Variants in GALNT18 observed in about 807,000 individuals in gnomAD.
GALNT18 encodes polypeptide N-acetylgalactosaminyltransferase 18, also known as GalNAc-transferase 18.
Under a neutral mutation model 69.5 loss-of-function variants are expected in GALNT18, and 44 were observed. That is an observed-to-expected ratio of 0.63 (90% CI 0.50 to 0.81). The LOEUF (loss-of-function observed/expected upper bound fraction) is 0.81. Ranked by LOEUF, GALNT18 falls within the 40% of genes least tolerant of loss-of-function variation. The pLI is 0.00. For missense variants in GALNT18, 715 were observed against 810.0 expected, an observed-to-expected ratio of 0.88 and a Z score of 1.42; for synonymous variants, 364 against 318.2, an observed-to-expected ratio of 1.14 and a Z score of -1.53.
chr11:11,422,583 A>G (rs1855034618), intron 3 of GALNT18, among the ~76,000 whole-genome samples: 3 of 151,454 alleles, frequency 2.0e-5, no homozygotes, highest in Admixed American at 2.0e-4. Context: ...ATAAAGCACA[A>G]TACTGTTGGA....
intron 10 of GALNT18, among the ~76,000 whole-genome samples, chr11:11,288,223 ACT>A (rs1471568540): frequency 1.3e-5 from 2 of 152,062 alleles, no homozygotes; most frequent in Non-Finnish European, 2.9e-5. Flanking sequence ...GCTCTACATG[ACT>A]CTAAGTCTTA....
chr11:11,358,232 T>G (rs1850570859), intron 6 of GALNT18, among the ~76,000 whole-genome samples: 1 of 140,926 alleles, frequency 7.1e-6, no homozygotes, highest in African/African-American at 2.6e-5. Flanking sequence ...GGTATTATAT[T>G]TCTCTCTATC....
chr11:11,581,223 G>A (rs1312944937), intron 1 of GALNT18, among the ~76,000 whole-genome samples: 1 of 152,200 alleles, frequency 6.6e-6, no homozygotes, highest in Non-Finnish European at 1.5e-5. Flanking sequence ...TGTCCATGCT[G>A]GTGTTGATGA....
At chr11:11,503,770 T>G (rs763979504) in intron 1 of GALNT18, among the ~76,000 whole-genome samples, 32 of 152,184 alleles carry the variant, frequency 2.1e-4, no homozygotes, top group Non-Finnish European at 4.6e-4. Flanking sequence ...TTTTTTCCCC[T>G]TTTTGTTGAC....
intron 10 of GALNT18, among the ~76,000 whole-genome samples, chr11:11,276,565 C>T (rs1360931050): frequency 6.6e-6 from 1 of 152,140 alleles, no homozygotes; most frequent in Non-Finnish European, 1.5e-5. Context: ...ACTTCCCATA[C>T]TATGTTGAAT....
At chr11:11,539,536 G>A (rs1021023746) in intron 1 of GALNT18, among the ~76,000 whole-genome samples, 3 of 152,206 alleles carry the variant, frequency 2.0e-5, no homozygotes, top group Non-Finnish European at 4.4e-5. Context: ...CCCAGGAGGA[G>A]ATTCACCCCT....
Position 11,439,438 on chromosome 11 carries a change from C to T in GALNT18, c.429-6651G>A, listed in dbSNP as rs866691737. ...TTTGGTTCCTTGCTCCCTGAGAACA[C>T]GTACATAACCCAGTAGAGAAAGACC... On this transcript the variant is annotated intron_variant, in intron 2 of 10. Transcript: ENST00000227756. The surrounding 1 kb of genome is among the most constrained non-coding windows in gnomAD (Gnocchi z 4.4). Among the ~76,000 whole-genome samples the T allele has an allele frequency of 4.3e-4, 65 of 152,320 alleles. 1 individual carries two copies. The highest frequency in any genetic ancestry group is 1.4e-3 in the African/African-American group (60 of 41,564).
chr11:11,529,247 G>C (rs1857587022), intron 1 of GALNT18, among the ~76,000 whole-genome samples: 1 of 152,156 alleles, frequency 6.6e-6, no homozygotes, highest in Non-Finnish European at 1.5e-5. Flanking sequence ...TATGCTTGAG[G>C]GTGTTTTTGT....
At chr11:11,289,184 G>A (rs1172102481) in intron 10 of GALNT18, among the ~76,000 whole-genome samples, 3 of 152,242 alleles carry the variant, frequency 2.0e-5, no homozygotes, top group Admixed American at 1.3e-4. Context: ...GGCTCGAGGA[G>A]AGATTCCAGG....
At chr11:11,531,635 G>A (rs1364920159) in intron 1 of GALNT18, among the ~76,000 whole-genome samples, 1 of 152,118 alleles carries the variant, frequency 6.6e-6, no homozygotes, top group South Asian at 2.1e-4. Context: ...TTGGGCCCAC[G>A]TCTCCACAGG....
rs1426876406 is a variant in GALNT18 at position 11,546,923 on chromosome 11, G to A, written c.235+74436C>T. ...ATAGATGGGTAGGTGGATGGATATG[G>A]AATCTTCTTTTTTTTTTTTTAACTC... On this transcript the variant is annotated intron_variant, in intron 1 of 10. Transcript: ENST00000227756. This position sits in a 1 kb window ranked among gnomAD's most constrained non-coding sequence, Gnocchi z 5.8. Among the ~76,000 whole-genome samples, 1 of 151,846 alleles carries A rather than the reference G, an allele frequency of 6.6e-6. No individual in the cohort carries two copies. Among genetic ancestry groups the A allele is most frequent in the Admixed American group, 6.6e-5 (1 of 15,258 alleles).
chr11:11,321,400 G>A lies in GALNT18; in HGVS notation c.1512+5686C>T, dbSNP rs534519053. The stretch of plus-strand genomic sequence containing the variant: ...TAAGAACTGTGCAGTTAAGATTCGT[G>A]TATTTTAGTATAAAATTCTACCTCA... On this transcript the variant is annotated intron_variant, in intron 9 of 10. Transcript: ENST00000227756. 2.0e-5 allele frequency among the ~76,000 whole-genome samples: 3 copies of A among 152,266 alleles called. No homozygotes were observed. In the East Asian group the frequency reaches 5.8e-4, roughly 29 times the overall value.
chr11:11,305,311 A>G (rs1442813669), intron 9 of GALNT18, among the ~76,000 whole-genome samples: 1 of 152,228 alleles, frequency 6.6e-6, no homozygotes, highest in Non-Finnish European at 1.5e-5. Context: ...AGAAACAGAC[A>G]CGCAGTAGGG....
At chr11:11,585,965 T>C (rs893629417) in intron 1 of GALNT18, among the ~76,000 whole-genome samples, 1 of 152,008 alleles carries the variant, frequency 6.6e-6, no homozygotes, top group East Asian at 1.9e-4. Flanking sequence ...CCCTCATGGG[T>C]GGGATTTGTA....
At chr11:11,477,947 T>C (rs1387607967) in intron 1 of GALNT18, among the ~76,000 whole-genome samples, 1 of 152,208 alleles carries the variant, frequency 6.6e-6, no homozygotes, top group African/African-American at 2.4e-5. Flanking sequence ...AATTAGGAAC[T>C]GATCCCTTTG....
intron 9 of GALNT18, among the ~76,000 whole-genome samples, chr11:11,316,877 T>C (rs1849765933): frequency 6.6e-6 from 1 of 152,188 alleles, no homozygotes; most frequent in Admixed American, 6.5e-5. Context: ...CAGGAAGTCC[T>C]CCAGGGCAGG....
At chr11:11,534,398 A>G (rs1857726144) in intron 1 of GALNT18, among the ~76,000 whole-genome samples, 1 of 152,244 alleles carries the variant, frequency 6.6e-6, no homozygotes, top group African/African-American at 2.4e-5. Flanking sequence ...TCTCACTCTT[A>G]TCTTGAGTAA....
chr11:11,609,153 C>G (rs996084985), intron 1 of GALNT18, among the ~76,000 whole-genome samples: 1 of 152,256 alleles, frequency 6.6e-6, no homozygotes, highest in African/African-American at 2.4e-5. Context: ...CACAGAACAG[C>G]CTGCACTGAT....
At chr11:11,274,235 G>A (rs1243170526) in intron 10 of GALNT18, among the ~76,000 whole-genome samples, 2 of 152,202 alleles carry the variant, frequency 1.3e-5, no homozygotes, top group South Asian at 4.1e-4. Flanking sequence ...TGGGTTTCAA[G>A]CACAAAACAG....
Sources: allele counts gnomAD v4.1 joint callset (sites outside exome capture counted in the v4.1 genomes callset), GRCh38; gene constraint gnomAD v4.1.1; non-coding constraint Gnocchi (gnomAD v3.1); transcripts MANE v1.5; gene names NCBI Gene and HGNC (gene_info 2026-07-23, HGNC 2026-07-21).